Variants in SUCLG2 observed in about 807,000 individuals in gnomAD.
SUCLG2 encodes the protein succinate-CoA ligase GDP-forming subunit beta.
Under a neutral mutation model 47.9 loss-of-function variants are expected in SUCLG2, and 42 were observed. The observed-to-expected ratio is 0.88, with a 90% CI of 0.69 to 1.14. The LOEUF (loss-of-function observed/expected upper bound fraction) is 1.14. SUCLG2 is among the 50% of genes most tolerant of loss of function. SUCLG2 has a pLI of 0.00. For missense variants in SUCLG2, 571 were observed against 525.9 expected, an observed-to-expected ratio of 1.09 and a Z score of -0.84; for synonymous variants, 195 against 197.3, an observed-to-expected ratio of 0.99 and a Z score of 0.10.
At chr3:67,598,960 C>A (rs527732456) in intron 2 of SUCLG2, among the ~76,000 whole-genome samples, 123 of 152,234 alleles carry the variant, frequency 8.1e-4, no homozygotes, top group Non-Finnish European at 1.1e-3. Context: ...AGTGCCTTCT[C>A]AAAGACATCA....
intron 2 of SUCLG2, among the ~76,000 whole-genome samples, chr3:67,546,123 C>T (rs1706857191): frequency 6.6e-6 from 1 of 152,120 alleles, no homozygotes; most frequent in Admixed American, 6.5e-5. Flanking sequence ...AGAATTCATA[C>T]TGGGGGAAGT....
intron 9 of SUCLG2, chr3:67,408,991 C>T: frequency 6.5e-7 from 1 of 1,535,410 alleles, no homozygotes; most frequent in Non-Finnish European, 8.7e-7. Flanking sequence ...CTTCTGAGTC[C>T]TGTATTCTGG....
chr3:67,398,272 C>T (rs1350317855), intron 10 of SUCLG2, among the ~76,000 whole-genome samples: 1 of 150,700 alleles, frequency 6.6e-6, no homozygotes, highest in Non-Finnish European at 1.5e-5. Flanking sequence ...ACCTACTCAT[C>T]TGACAAAGGG....
At chr3:67,592,718 C>CAAAAAAAAA (rs754866312) in intron 2 of SUCLG2, among the ~76,000 whole-genome samples, 4 of 80,260 alleles carry the variant, frequency 5.0e-5, no homozygotes, top group African/African-American at 2.4e-4. Context: ...TCACATCCTC[C>CAAAAAAAAA]AAAAAAAAAA....
chr3:67,607,826 C>G (rs1221405465), intron 2 of SUCLG2, among the ~76,000 whole-genome samples: 3 of 152,136 alleles, frequency 2.0e-5, no homozygotes, highest in Non-Finnish European at 4.4e-5. Context: ...TGGGAGTTCC[C>G]CTGCACAAGT....
chr3:67,578,286 A>G (rs1707795585), intron 2 of SUCLG2, among the ~76,000 whole-genome samples: 1 of 147,460 alleles, frequency 6.8e-6, no homozygotes, highest in South Asian at 2.1e-4. Flanking sequence ...AATTTTATAT[A>G]TATAAAATCA....
intron 10 of SUCLG2, among the ~76,000 whole-genome samples, chr3:67,393,178 T>C (rs1349671992): frequency 1.3e-5 from 2 of 152,136 alleles, no homozygotes; most frequent in Non-Finnish European, 1.5e-5. Flanking sequence ...CGCAGGACAG[T>C]GCGTGCAGCG....
At chr3:67,391,929 G>T (rs564067715) in intron 10 of SUCLG2, among the ~76,000 whole-genome samples, 1 of 152,282 alleles carries the variant, frequency 6.6e-6, no homozygotes, top group South Asian at 2.1e-4. Context: ...AGATGGACCT[G>T]TTTCCCACCT....
At chr3:67,495,350 T>C (rs1705304461) in intron 9 of SUCLG2, among the ~76,000 whole-genome samples, 1 of 152,054 alleles carries the variant, frequency 6.6e-6, no homozygotes. Flanking sequence ...CGTATTCCAA[T>C]GTGATATAAG....
At chr3:67,632,028 T>C (rs1700934653) in intron 1 of SUCLG2, among the ~76,000 whole-genome samples, 1 of 152,198 alleles carries the variant, frequency 6.6e-6, no homozygotes, top group African/African-American at 2.4e-5. Context: ...TCAGTAATCG[T>C]GTTTCCAGAA....
chr3:67,459,112 T>C (rs1704261613), intron 9 of SUCLG2, among the ~76,000 whole-genome samples: 1 of 151,760 alleles, frequency 6.6e-6, no homozygotes, highest in Non-Finnish European at 1.5e-5. Flanking sequence ...TGGTGACCAG[T>C]GAACCATTCA....
chr3:67,499,796 A>C (rs1705448040), intron 7 of SUCLG2, among the ~76,000 whole-genome samples: 1 of 152,044 alleles, frequency 6.6e-6, no homozygotes, highest in Non-Finnish European at 1.5e-5. Flanking sequence ...CAGTGGCGCA[A>C]TCTCGGCTCA....
At position 67,586,452 on chromosome 3, in the gene SUCLG2, C is replaced by T. The variant is rs1054598550; in HGVS notation, c.226+23003G>A. Among the ~76,000 whole-genome samples the T allele has an allele frequency of 2.6e-5, 4 of 152,092 alleles. 1 individual carries two copies. The South Asian group carries it at 8.3e-4, about 32-fold the overall frequency. On this transcript the variant is annotated intron_variant, in intron 2 of 10. Transcript: ENST00000307227. Reference sequence around the variant, plus strand: ...GAATAATAATGAGATTCATTGATTTCGAGAGATCAGAAACAGGTAAGTTTT... The same window carrying T: ...GAATAATAATGAGATTCATTGATTTTGAGAGATCAGAAACAGGTAAGTTTT...
intron 9 of SUCLG2, among the ~76,000 whole-genome samples, chr3:67,471,663 G>T (rs1350924331): frequency 6.6e-6 from 1 of 152,094 alleles, no homozygotes; most frequent in East Asian, 1.9e-4. Context: ...TGAAGAAGAA[G>T]AAGGCGGCAA....
intron 10 of SUCLG2, among the ~76,000 whole-genome samples, chr3:67,383,228 G>A (rs923591877): frequency 3.9e-4 from 60 of 152,290 alleles, no homozygotes; most frequent in African/African-American, 1.4e-3. Flanking sequence ...ACTGAGCCAA[G>A]GACTATTGCA....
At chr3:67,529,653 G>A (rs1706349397) in intron 2 of SUCLG2, among the ~76,000 whole-genome samples, 1 of 152,214 alleles carries the variant, frequency 6.6e-6, no homozygotes, top group African/African-American at 2.4e-5. Flanking sequence ...GTTAATAACT[G>A]CATTATTGGA....
chr3:67,499,563 T>C (rs980008783), intron 7 of SUCLG2, among the ~76,000 whole-genome samples: 1 of 152,120 alleles, frequency 6.6e-6, no homozygotes, highest in African/African-American at 2.4e-5. Flanking sequence ...CAGGGCACTT[T>C]CCTTGATTTA....
At chr3:67,412,109 T>C (rs1185578765) in intron 9 of SUCLG2, among the ~76,000 whole-genome samples, 21 of 152,234 alleles carry the variant, frequency 1.4e-4, no homozygotes, top group Admixed American at 1.4e-3. Flanking sequence ...TGTCTGACCT[T>C]GCTGTTATCT....
rs187811841 is a variant in SUCLG2, at chr3:67,590,446, C to T, written c.226+19009G>A. 5.9e-5 allele frequency among the ~76,000 whole-genome samples: 9 copies of T among 152,154 alleles called. No individual in the cohort carries two copies. The East Asian group carries it at 1.4e-3, about 23-fold the overall frequency. ...GGGAGCTGGTGGGAGGTGTTTGGGTCATGGGGGAAGATCCCTCATGAATGG... is the reference window on the plus strand; with the variant it reads ...GGGAGCTGGTGGGAGGTGTTTGGGTTATGGGGGAAGATCCCTCATGAATGG... On this transcript the variant is annotated intron_variant, in intron 2 of 10. Coordinates refer to ENST00000307227, the MANE Select transcript of SUCLG2 (RefSeq NM_003848.4).
Sources: allele counts gnomAD v4.1 joint callset (sites outside exome capture counted in the v4.1 genomes callset), GRCh38; gene constraint gnomAD v4.1.1; transcripts MANE v1.5; gene names NCBI Gene and HGNC (gene_info 2026-07-23, HGNC 2026-07-21).